The following FAM89A variants were observed in gnomAD, a reference collection of about 807,000 sequenced individuals.
The protein encoded by FAM89A is family with sequence similarity 89 member A, also known as protein FAM89A.
A neutral mutation model predicts 7.1 loss-of-function variants in FAM89A; 10 were observed. The ratio of observed to expected loss-of-function variants is 1.40; its 90% CI spans 0.86 to 2.38. The LOEUF (loss-of-function observed/expected upper bound fraction) is 2.38. Ranked by LOEUF, FAM89A falls within the 30% of genes most tolerant of loss-of-function variation. FAM89A has a pLI of 0.00. For missense variants in FAM89A, 276 were observed against 262.8 expected, an observed-to-expected ratio of 1.05 and a Z score of -0.35; for synonymous variants, 157 against 129.3, an observed-to-expected ratio of 1.21 and a Z score of -1.45.
At chr1:231,030,719 A>G (rs1013865998) in intron 1 of FAM89A, among the ~76,000 whole-genome samples, 1 of 152,202 alleles carries the variant, frequency 6.6e-6, no homozygotes, top group African/African-American at 2.4e-5. Flanking sequence ...TTGGTCTCCA[A>G]ACACTCTAAA....
intron 1 of FAM89A, among the ~76,000 whole-genome samples, chr1:231,031,664 A>G (rs1019758127): frequency 1.3e-5 from 2 of 152,216 alleles, no homozygotes; most frequent in Non-Finnish European, 2.9e-5. Context: ...ATCCACTTGT[A>G]GTAGTTTAGC....
rs901001971 is a variant in FAM89A at position 231,019,582 on chromosome 1, A to G, written c.*281T>C. On this transcript the variant is annotated 3_prime_UTR_variant, in exon 2 of 2. Transcript: ENST00000366654. The stretch of plus-strand genomic sequence containing the variant: ...CCTTTCACCGAGATCCTCTTGTTAT[A>G]TTCTCATTATGAATCCCCAGCAGGT... The G allele has an allele frequency of 1.1e-5, 4 of 374,600 alleles. No individual in the cohort carries two copies. Among genetic ancestry groups the G allele is most frequent in the African/African-American group, 6.1e-5 (3 of 49,420 alleles). The allele number at this position is 374,600 out of a possible 1,614,324, so 23.2% of individuals were successfully genotyped here. A position where few individuals can be genotyped will look rare whatever the true frequency, so the allele number is the denominator to read the frequency against.
intron 1 of FAM89A, chr1:231,021,921 G>C (rs1277973978): frequency 2.0e-6 from 3 of 1,516,352 alleles, no homozygotes; most frequent in Non-Finnish European, 2.7e-6. Context: ...TCCAGGGACA[G>C]AGACGTGTAT....
rs113295637 is a variant in FAM89A at position 231,030,591 on chromosome 1, A to AT, written c.291+9329dup. Among the ~76,000 whole-genome samples the AT allele has an allele frequency of 2.6e-3, 396 of 152,050 alleles. 3 individuals carry two copies. Among genetic ancestry groups the AT allele is most frequent in the African/African-American group, 8.9e-3 (368 of 41,482 alleles). On this transcript the variant is annotated intron_variant, in intron 1 of 1. Coordinates refer to ENST00000366654, the MANE Select transcript of FAM89A (RefSeq NM_198552.3). ...AAGAAATGTCTTTGTACATTCTTTT[A>AT]TTTTTTTTCTGATTATAAAAATAAA...
At chr1:231,021,523 G>C (rs143406993) in intron 1 of FAM89A, 1 of 741,824 alleles carries the variant, frequency 1.3e-6, no homozygotes, top group African/African-American at 1.8e-5. Context: ...CAGAGGGCAC[G>C]AAAGGTTGAG....
intron 1 of FAM89A, among the ~76,000 whole-genome samples, chr1:231,024,984 G>A (rs1679940196): frequency 7.3e-6 from 1 of 136,106 alleles, no homozygotes; most frequent in African/African-American, 2.8e-5. Flanking sequence ...GTGTAGTGGT[G>A]TAATCTCGGC....
chr1:231,030,565 T>C (rs1320968695), intron 1 of FAM89A, among the ~76,000 whole-genome samples: 1 of 152,252 alleles, frequency 6.6e-6, no homozygotes, highest in Non-Finnish European at 1.5e-5. Context: ...CCATTTTCTT[T>C]AAGAAATGTC....
At chr1:231,028,981 C>A (rs557322925) in intron 1 of FAM89A, among the ~76,000 whole-genome samples, 306 of 152,266 alleles carry the variant, frequency 2.0e-3, no homozygotes, top group African/African-American at 7.2e-3. Flanking sequence ...CCAGACAGGG[C>A]GGTGGCTCCC....
intron 1 of FAM89A, chr1:231,021,553 A>G: frequency 9.9e-7 from 1 of 1,012,796 alleles, no homozygotes; most frequent in Middle Eastern, 2.3e-4. Context: ...CTTCCCTGCA[A>G]ACCTTGGTAT....
At chr1:231,033,661 T>C (rs1269930556) in intron 1 of FAM89A, among the ~76,000 whole-genome samples, 2 of 152,118 alleles carry the variant, frequency 1.3e-5, no homozygotes, top group Non-Finnish European at 1.5e-5. Context: ...TACATTTACA[T>C]TGAACAGATG....
At chr1:231,025,774 AAGTC>A (rs1465911838) in intron 1 of FAM89A, among the ~76,000 whole-genome samples, 1 of 152,040 alleles carries the variant, frequency 6.6e-6, no homozygotes, top group African/African-American at 2.4e-5. Context: ...AGGGAAAGAA[AAGTC>A]AGTCAGTTTA....
At chr1:231,020,493 C>CA (rs1372967619) in intron 1 of FAM89A, among the ~76,000 whole-genome samples, 8 of 152,190 alleles carry the variant, frequency 5.3e-5, no homozygotes, top group Non-Finnish European at 1.0e-4. Flanking sequence ...CTCTCCCAAT[C>CA]AGACTCGGAG....
chr1:231,023,114 G>A (rs556913403), intron 1 of FAM89A, among the ~76,000 whole-genome samples: 1 of 150,362 alleles, frequency 6.7e-6, no homozygotes, highest in East Asian at 2.0e-4. Context: ...GGCAGTAATT[G>A]TGGCCTTATC....
intron 1 of FAM89A, chr1:231,028,761 T>G (rs959916729): frequency 2.0e-5 from 3 of 152,280 alleles, no homozygotes; most frequent in African/African-American, 7.2e-5. Context: ...GTCCTTCCGC[T>G]CTCTGCTCAG....
chr1:231,024,520 GCACACACACACA>G (rs3220109), intron 1 of FAM89A, among the ~76,000 whole-genome samples: 3 of 144,438 alleles, frequency 2.1e-5, no homozygotes, highest in Non-Finnish European at 3.0e-5. Context: ...TACATTGCAT[GCACACACACACA>G]CACACACACA....
rs760461220 is a variant in FAM89A at position 231,040,069 on chromosome 1, C to G, written c.143G>C (p.Arg48Pro). The G allele has an allele frequency of 6.9e-7, 1 of 1,446,970 alleles. No homozygotes were observed. Among genetic ancestry groups the G allele is most frequent in the Non-Finnish European group, 9.1e-7 (1 of 1,102,072 alleles). The allele number at this position is 1,446,970 out of a possible 1,614,324, so 89.6% of individuals were successfully genotyped here. A position where few individuals can be genotyped will look rare whatever the true frequency, so the allele number is the denominator to read the frequency against. Reference protein sequence around the residue: ...ASGGGASGGWRHLERLYAQKS... With the variant: ...ASGGGASGGWPHLERLYAQKS... ...CTGCGCGTACAGCCGCTCCAGGTGC[C>G]GCCAGCCCCCAGACGCGCCGCCGCC... The change falls in exon 1 of 2, where the codon CGG (arginine) becomes CCG (proline). Residue 48 changes from arginine (R) to proline (P), a missense_variant. Coordinates refer to ENST00000366654, the MANE Select transcript of FAM89A (RefSeq NM_198552.3).
At chr1:231,037,665 C>A (rs1680180333) in intron 1 of FAM89A, among the ~76,000 whole-genome samples, 1 of 152,168 alleles carries the variant, frequency 6.6e-6, no homozygotes, top group South Asian at 2.1e-4. Flanking sequence ...GCTACTCAGG[C>A]TTCTCAGAGT....
At chr1:231,030,595 T>A (rs1680050358) in intron 1 of FAM89A, among the ~76,000 whole-genome samples, 1 of 152,238 alleles carries the variant, frequency 6.6e-6, no homozygotes, top group South Asian at 2.1e-4. Context: ...TCTTTTATTT[T>A]TTTTCTGATT....
intron 1 of FAM89A, among the ~76,000 whole-genome samples, chr1:231,023,830 G>T (rs1679918515): frequency 6.6e-6 from 1 of 152,114 alleles, no homozygotes; most frequent in Admixed American, 6.5e-5. Context: ...TTTCTTCTGG[G>T]CATCACGGGA....
Sources: allele counts gnomAD v4.1 joint callset (sites outside exome capture counted in the v4.1 genomes callset), GRCh38; gene constraint gnomAD v4.1.1; transcripts MANE v1.5; gene names NCBI Gene and HGNC (gene_info 2026-07-23, HGNC 2026-07-21).